Variants in CSMD1 observed in about 807,000 individuals in gnomAD.
CSMD1 encodes CUB and Sushi multiple domains 1, also known as CUB and sushi domain-containing protein 1.
CSMD1 carries 213 observed loss-of-function variants against 417.5 expected under a neutral mutation model. The ratio of observed to expected loss-of-function variants is 0.51; its 90% CI spans 0.46 to 0.57. The LOEUF (loss-of-function observed/expected upper bound fraction) is 0.57, where lower values mean the gene tolerates loss of function less well. CSMD1 is among the 20% of genes least tolerant of loss of function. The pLI, the probability that CSMD1 is intolerant of heterozygous loss-of-function variation, is 0.00. For missense variants in CSMD1, 6,923 were observed against 4,529.7 expected, an observed-to-expected ratio of 1.53 and a Z score of -15.17; for synonymous variants, 2,862 against 1,736.8, an observed-to-expected ratio of 1.65 and a Z score of -16.11.
chr8:4,367,491 G>C lies in CSMD1; in HGVS notation c.415+52462C>G, dbSNP rs569511131. Among the ~76,000 whole-genome samples, 10 of 152,308 alleles carry C rather than the reference G, an allele frequency of 6.6e-5. No individual in the cohort carries two copies. The East Asian group carries it at 1.9e-3, about 29-fold the overall frequency. ...GCAGTACAGTTTGAAATCGGGTAGTGTGATACCTCCAGCTTTGTTCCTTTT... is the reference window on the plus strand; with the variant it reads ...GCAGTACAGTTTGAAATCGGGTAGTCTGATACCTCCAGCTTTGTTCCTTTT... On this transcript the variant is annotated intron_variant, in intron 3 of 69. Transcript: ENST00000635120.
At chr8:4,645,890 T>C (rs925942282) in intron 1 of CSMD1, among the ~76,000 whole-genome samples, 1 of 152,144 alleles carries the variant, frequency 6.6e-6, no homozygotes. Context: ...TACTTAAACA[T>C]TGTACTTAAA....
At chr8:4,185,666 C>T (rs781658741) in intron 3 of CSMD1, among the ~76,000 whole-genome samples, 2 of 152,262 alleles carry the variant, frequency 1.3e-5, no homozygotes, top group African/African-American at 2.4e-5. Flanking sequence ...AACATAGTCA[C>T]GTAAATGCCC....
At chr8:4,712,102 G>A (rs541904959) in intron 1 of CSMD1, among the ~76,000 whole-genome samples, 1 of 152,304 alleles carries the variant, frequency 6.6e-6, no homozygotes, top group African/African-American at 2.4e-5. Flanking sequence ...CAATGCCCCT[G>A]GAAGTCAATC....
At chr8:3,726,081 C>T (rs545254569) in intron 6 of CSMD1, among the ~76,000 whole-genome samples, 1 of 152,118 alleles carries the variant, frequency 6.6e-6, no homozygotes, top group Admixed American at 6.6e-5. Context: ...CATGAGGGTA[C>T]TCAAGCAGCC....
intron 3 of CSMD1, among the ~76,000 whole-genome samples, chr8:4,289,362 G>C (rs535914485): frequency 1.3e-5 from 2 of 151,702 alleles, no homozygotes; most frequent in Admixed American, 6.6e-5. Context: ...TTTTCTTATA[G>C]GTAAGATAGA....
chr8:3,934,325 A>G (rs566926993), intron 5 of CSMD1, among the ~76,000 whole-genome samples: 2 of 152,324 alleles, frequency 1.3e-5, no homozygotes, highest in East Asian at 3.9e-4. Flanking sequence ...AATTTCAAAA[A>G]TAGTTAACAC....
intron 20 of CSMD1, among the ~76,000 whole-genome samples, chr8:3,360,886 C>A (rs1023745975): frequency 6.8e-6 from 1 of 147,122 alleles, no homozygotes; most frequent in African/African-American, 2.5e-5. Flanking sequence ...TTTTCATTAT[C>A]TGCTGAGTTT....
chr8:4,849,770 G>T (rs80172503), intron 1 of CSMD1, among the ~76,000 whole-genome samples: 1 of 152,138 alleles, frequency 6.6e-6, no homozygotes, highest in African/African-American at 2.4e-5. Flanking sequence ...CTTGGTTTTA[G>T]TAAGTGCACT....
chr8:3,843,344 A>G (rs1236263899), intron 5 of CSMD1, among the ~76,000 whole-genome samples: 1 of 152,176 alleles, frequency 6.6e-6, no homozygotes, highest in Non-Finnish European at 1.5e-5. Context: ...TGAAGACTTT[A>G]TTTACTGAAT....
At chr8:3,603,975 A>G (rs7821090) in intron 8 of CSMD1, among the ~76,000 whole-genome samples, 45,497 of 152,080 alleles carry the variant, frequency 0.3, 7,116 homozygotes, top group African/African-American at 0.37. Flanking sequence ...TTACCTGTAA[A>G]TGAAAATTTT....
At position 4,818,024 on chromosome 8, in the gene CSMD1, G is replaced by T. The variant is rs552887610; in HGVS notation, c.85+176308C>A. ...ATCATTATAATAAGGTTCAGTCAGCGTCACAGTGACCAGCACTTTTTATAT... is the reference window on the plus strand; with the variant it reads ...ATCATTATAATAAGGTTCAGTCAGCTTCACAGTGACCAGCACTTTTTATAT... On this transcript the variant is annotated intron_variant, in intron 1 of 69. Coordinates refer to ENST00000635120, the MANE Select transcript of CSMD1 (RefSeq NM_033225.6). Among the ~76,000 whole-genome samples, 8 of 152,244 alleles carry T rather than the reference G, an allele frequency of 5.3e-5. No individual in the cohort carries two copies. The East Asian group carries it at 1.5e-3, about 29-fold the overall frequency.
At chr8:3,116,238 T>G (rs1228556576) in intron 42 of CSMD1, among the ~76,000 whole-genome samples, 1 of 152,244 alleles carries the variant, frequency 6.6e-6, no homozygotes, top group African/African-American at 2.4e-5. Context: ...TTGTTTTCAA[T>G]ATTTATGATA....
intron 3 of CSMD1, among the ~76,000 whole-genome samples, chr8:4,141,849 G>A (rs894777553): frequency 2.0e-5 from 3 of 150,934 alleles, no homozygotes; most frequent in Non-Finnish European, 4.4e-5. Context: ...GTGACTAACA[G>A]TACCATTTAG....
intron 3 of CSMD1, among the ~76,000 whole-genome samples, chr8:4,092,427 T>A (rs1441974476): frequency 6.6e-6 from 1 of 152,208 alleles, no homozygotes; most frequent in Non-Finnish European, 1.5e-5. Flanking sequence ...CAGCATATTA[T>A]GAGACTATAT....
At chr8:4,991,855 C>T (rs1448438913) in intron 1 of CSMD1, among the ~76,000 whole-genome samples, 1 of 152,200 alleles carries the variant, frequency 6.6e-6, no homozygotes, top group African/African-American at 2.4e-5. Flanking sequence ...TCGCACTTGA[C>T]CCCGCAGGCG....
chr8:3,589,712 A>T (rs933808891), intron 8 of CSMD1, among the ~76,000 whole-genome samples: 3 of 152,192 alleles, frequency 2.0e-5, no homozygotes, highest in African/African-American at 7.2e-5. Flanking sequence ...TAATAACAGC[A>T]TATTGTATAC....
chr8:4,730,689 A>C (rs963707665), intron 1 of CSMD1, among the ~76,000 whole-genome samples: 27 of 152,142 alleles, frequency 1.8e-4, no homozygotes, highest in Non-Finnish European at 2.8e-4. Context: ...TGCAGTGAGG[A>C]GAGATCGTGC....
In CSMD1 at chr8:3,199,757, T is replaced by A. The variant is rs1231407505; in HGVS notation, c.5151A>T (p.Ala1717=). ...AGCCGCGGGCAGAGGCACCGCTCTTTGCACTGAATCGGAGCAGAATTTGAT... is the reference window on the plus strand; with the variant it reads ...AGCCGCGGGCAGAGGCACCGCTCTTAGCACTGAATCGGAGCAGAATTTGAT... The part of the protein sequence containing the change: ...TSNQILLRFS[A]KSGASARGFH... Residue 1717 remains alanine, a synonymous_variant, in exon 33 of 70, where the codon GCA becomes GCT. Transcript: ENST00000635120. The A allele has an allele frequency of 6.3e-6, 10 of 1,589,160 alleles. No individual in the cohort carries two copies. In the East Asian group the frequency reaches 2.1e-4, roughly 33 times the overall value.
At chr8:4,028,214 G>A (rs967343023) in intron 4 of CSMD1, among the ~76,000 whole-genome samples, 13 of 152,130 alleles carry the variant, frequency 8.5e-5, no homozygotes, top group African/African-American at 2.2e-4. Context: ...CTAGGACAGA[G>A]GAATAATTCA....
Sources: gnomAD v4.1 joint callset for allele counts (sites outside exome capture counted in the v4.1 genomes callset) on GRCh38, gnomAD v4.1.1 for gene constraint, MANE v1.5 for transcripts, NCBI Gene and HGNC (gene_info 2026-07-23, HGNC 2026-07-21) for gene names.